The following ANO10 variants were observed in gnomAD, a reference collection of about 807,000 sequenced individuals.
ANO10 encodes anoctamin 10, also known as anoctamin-10.
ANO10 carries 77 observed loss-of-function variants against 74.7 expected under a neutral mutation model. That is an observed-to-expected ratio of 1.03 (90% CI 0.86 to 1.25). The LOEUF (loss-of-function observed/expected upper bound fraction) is 1.25. Among genes scored for constraint, ANO10 ranks in the 50% most tolerant of loss-of-function variants. The pLI, the probability that ANO10 is intolerant of heterozygous loss-of-function variation, is 0.00. For missense variants in ANO10, 721 were observed against 778.1 expected, an observed-to-expected ratio of 0.93 and a Z score of 0.87; for synonymous variants, 279 against 284.9, an observed-to-expected ratio of 0.98 and a Z score of 0.21.
chr3:43,555,561 C>A, intron 9 of ANO10, 92 bp from the exon 10 acceptor site: 2 of 1,310,320 alleles, frequency 1.5e-6, no homozygotes, highest in Non-Finnish European at 2.1e-6. Flanking sequence ...TCTAACTATT[C>A]AAAAAAACCT....
chr3:43,545,463 T>C (rs2079146241), intron 11 of ANO10, among the ~76,000 whole-genome samples: 1 of 152,170 alleles, frequency 6.6e-6, no homozygotes, highest in African/African-American at 2.4e-5. Flanking sequence ...AACCTCTGCC[T>C]CAAGCGATTC....
At chr3:43,502,615 C>T (rs1448390866) in intron 11 of ANO10, among the ~76,000 whole-genome samples, 2 of 151,820 alleles carry the variant, frequency 1.3e-5, no homozygotes, top group Non-Finnish European at 2.9e-5. Context: ...AAACAAGTTA[C>T]CCAGCCTCAG....
chr3:43,429,351 T>C (rs2092947057), intron 12 of ANO10, among the ~76,000 whole-genome samples: 1 of 152,248 alleles, frequency 6.6e-6, no homozygotes, highest in East Asian at 1.9e-4. Flanking sequence ...TTTCAAAATA[T>C]CTTTTTTAAA....
At chr3:43,367,584 C>T (rs74784606) in intron 12 of ANO10, among the ~76,000 whole-genome samples, 4,970 of 152,100 alleles carry the variant, frequency 0.033, 259 homozygotes, top group African/African-American at 0.11. Flanking sequence ...GTGAGGGTGA[C>T]GTCAAGATAG....
At chr3:43,588,313 A>G (rs1261701083) in intron 4 of ANO10, among the ~76,000 whole-genome samples, 3 of 152,250 alleles carry the variant, frequency 2.0e-5, no homozygotes, top group Admixed American at 6.5e-5. Flanking sequence ...CAAAGAAATT[A>G]AGTAATAGCC....
chr3:43,554,685 G>T (rs575666998), intron 10 of ANO10, among the ~76,000 whole-genome samples: 1 of 152,070 alleles, frequency 6.6e-6, no homozygotes, highest in East Asian at 1.9e-4. Context: ...ATCCAGGGGG[G>T]ATTCCTCATT....
intron 2 of ANO10, among the ~76,000 whole-genome samples, chr3:43,602,257 T>C (rs1441930211): frequency 6.6e-6 from 1 of 152,194 alleles, no homozygotes; most frequent in African/African-American, 2.4e-5. Context: ...AAGACCCAAA[T>C]AGGCACAGTG....
At chr3:43,389,701 C>T (rs1048197206) in intron 12 of ANO10, among the ~76,000 whole-genome samples, 4 of 152,078 alleles carry the variant, frequency 2.6e-5, no homozygotes, top group African/African-American at 9.7e-5. Context: ...GCATGAAAAC[C>T]AATGGAAAGG....
intron 11 of ANO10, among the ~76,000 whole-genome samples, chr3:43,496,905 T>C (rs1295502440): frequency 1.3e-5 from 2 of 152,184 alleles, no homozygotes; most frequent in Admixed American, 1.3e-4. Context: ...TGTAAGCTCC[T>C]TCCTGTTCCT....
At chr3:43,429,693 T>C (rs548936786) in intron 12 of ANO10, among the ~76,000 whole-genome samples, 1 of 152,232 alleles carries the variant, frequency 6.6e-6, no homozygotes, top group South Asian at 2.1e-4. Context: ...ATTCAATAGC[T>C]GCAAAAATGT....
rs559174599 is a variant in ANO10, at chr3:43,690,100, C to A, written c.-12+1417G>T. The stretch of plus-strand genomic sequence containing the variant: ...TTGAGACGGAGTTTCGTTCTTGTTG[C>A]CCAGGCTGGAGTGCAATGGTGCGAT... On this transcript the variant is annotated intron_variant, in intron 1 of 3. Transcript: ENST00000413397. The A allele has an allele frequency of 4.0e-5, 6 of 150,954 alleles. No individual in the cohort carries two copies. In the East Asian group the frequency reaches 1.2e-3, roughly 29 times the overall value. 9.4% of individuals were successfully genotyped at this position (150,954 alleles called of 1,614,324 possible).
intron 1 of ANO10, among the ~76,000 whole-genome samples, chr3:43,647,020 G>C (rs568470968): frequency 6.6e-6 from 1 of 151,966 alleles, no homozygotes; most frequent in African/African-American, 2.4e-5. Context: ...AATTCTCTTC[G>C]ACCTTCCAAC....
At chr3:43,689,661 C>T (rs2084325359) in intron 1 of ANO10, among the ~76,000 whole-genome samples, 1 of 151,984 alleles carries the variant, frequency 6.6e-6, no homozygotes. Flanking sequence ...GAAAGATATT[C>T]GATAATGTTT....
chr3:43,435,247 G>A (rs1229687907), intron 11 of ANO10, among the ~76,000 whole-genome samples: 3 of 150,768 alleles, frequency 2.0e-5, no homozygotes, highest in Non-Finnish European at 4.4e-5. Flanking sequence ...AGTGGCTCAC[G>A]CCTGTAATCC....
intron 6 of ANO10, among the ~76,000 whole-genome samples, chr3:43,575,285 A>C (rs1369993806): frequency 1.3e-5 from 2 of 152,218 alleles, no homozygotes; most frequent in Non-Finnish European, 2.9e-5. Context: ...ACTTGAAAGG[A>C]AACTCAAATT....
intron 12 of ANO10, among the ~76,000 whole-genome samples, chr3:43,405,828 C>T (rs2092566582): frequency 6.6e-6 from 1 of 152,142 alleles, no homozygotes; most frequent in Non-Finnish European, 1.5e-5. Context: ...CTTATCATTG[C>T]CTAATTATTG....
In ANO10 at chr3:43,565,682, CA is replaced by C; in HGVS notation, c.1263del (p.Phe421LeufsTer3). On this transcript the variant is annotated frameshift_variant, in exon 8 of 13. Transcript: ENST00000292246. LOFTEE classifies it high-confidence loss of function. ...NCFASLFYIA[F>X]VLKDMKLLRQ... is the part of the protein sequence containing the mutation. ...CGCAAAAGCTTCATATCTTTCAAGACAAAGGCAATATAGAAGAGTGAGGCAA... is the reference window on the plus strand; with the variant it reads ...CGCAAAAGCTTCATATCTTTCAAGACAAGGCAATATAGAAGAGTGAGGCAA... The C allele has an allele frequency of 6.6e-7, 1 of 1,519,422 alleles. No homozygotes were observed. The highest frequency in any genetic ancestry group is 8.8e-7 in the Non-Finnish European group (1 of 1,137,094). The allele number at this position is 1,519,422 out of a possible 1,614,324, so 94.1% of individuals were successfully genotyped here.
chr3:43,611,344 G>A (rs1329266185), intron 1 of ANO10, among the ~76,000 whole-genome samples: 1 of 152,142 alleles, frequency 6.6e-6, no homozygotes, highest in African/African-American at 2.4e-5. Context: ...TTACATGAGT[G>A]AGAAATCTAT....
At chr3:43,485,936 G>C (rs2076468943) in intron 11 of ANO10, 1 of 236,106 alleles carries the variant, frequency 4.2e-6, no homozygotes, top group Non-Finnish European at 8.6e-6. Flanking sequence ...TGTCTTTACA[G>C]TTAATTGCAC....
Sources: allele counts gnomAD v4.1 joint callset (sites outside exome capture counted in the v4.1 genomes callset), GRCh38; gene constraint gnomAD v4.1.1; transcripts MANE v1.5; gene names NCBI Gene and HGNC (gene_info 2026-07-23, HGNC 2026-07-21).